Variants in SLC35F4 observed in about 807,000 individuals in gnomAD.
SLC35F4 encodes solute carrier family 35 member F4.
A neutral mutation model predicts 44.2 loss-of-function variants in SLC35F4; 24 were observed. The ratio of observed to expected loss-of-function variants is 0.54; its 90% CI spans 0.39 to 0.76. The LOEUF (loss-of-function observed/expected upper bound fraction) is 0.76. Among genes scored for constraint, SLC35F4 ranks in the 30% least tolerant of loss-of-function variants. SLC35F4 has a pLI of 0.00. For missense variants in SLC35F4, 562 were observed against 586.1 expected (o/e 0.96, Z 0.42); for synonymous variants, 238 against 223.6 (o/e 1.06, Z -0.57).
chr14:57,782,295 A>AT (rs75303549), intron 1 of SLC35F4, among the ~76,000 whole-genome samples: 47 of 151,546 alleles, frequency 3.1e-4, no homozygotes, highest in African/African-American at 1.1e-3. Flanking sequence ...TTATACATGG[A>AT]TTTTTTTTCA....
At chr14:57,665,768 G>A (rs927209906) in intron 1 of SLC35F4, among the ~76,000 whole-genome samples, 4 of 152,226 alleles carry the variant, frequency 2.6e-5, no homozygotes, top group African/African-American at 9.6e-5. Flanking sequence ...GAACATGTGG[G>A]ACATATACAT....
At chr14:57,766,637 G>C (rs1283482987) in intron 1 of SLC35F4, among the ~76,000 whole-genome samples, 1 of 152,054 alleles carries the variant, frequency 6.6e-6, no homozygotes, top group Non-Finnish European at 1.5e-5. Flanking sequence ...CTATACATTG[G>C]GTACTTAAAA....
At chr14:57,776,510 C>A (rs920478831) in intron 1 of SLC35F4, among the ~76,000 whole-genome samples, 1 of 151,610 alleles carries the variant, frequency 6.6e-6, no homozygotes, top group East Asian at 1.9e-4. Flanking sequence ...ACTAAAAATA[C>A]AAAAAATTTG....
At chr14:57,691,090 A>G in intron 1 of SLC35F4, among the ~76,000 whole-genome samples, 1 of 152,138 alleles carries the variant, frequency 6.6e-6, no homozygotes, top group Admixed American at 6.6e-5. Context: ...TGATTTATTA[A>G]TGTAAATGAG....
intron 1 of SLC35F4, among the ~76,000 whole-genome samples, chr14:57,916,186 G>A (rs1889326423): frequency 1.3e-5 from 2 of 152,162 alleles, no homozygotes; most frequent in Admixed American, 6.5e-5. Context: ...GACAGAAAAG[G>A]GGGCTGAACT....
At chr14:57,602,941 T>C (rs2070915958) in intron 1 of SLC35F4, among the ~76,000 whole-genome samples, 2 of 152,168 alleles carry the variant, frequency 1.3e-5, no homozygotes, top group South Asian at 4.1e-4. Flanking sequence ...AACACACCCA[T>C]GTCTTATTAA....
At chr14:57,703,370 G>T (rs2075589954) in intron 1 of SLC35F4, among the ~76,000 whole-genome samples, 2 of 152,172 alleles carry the variant, frequency 1.3e-5, no homozygotes, top group Admixed American at 6.6e-5. Context: ...AGTTTGCAGT[G>T]CATGGCTCTC....
intron 1 of SLC35F4, among the ~76,000 whole-genome samples, chr14:57,817,635 AG>A: frequency 6.6e-6 from 1 of 152,072 alleles, no homozygotes; most frequent in Non-Finnish European, 1.5e-5. Context: ...ACAGGTCTTC[AG>A]GGTTTTACAA....
chr14:57,798,644 C>T (rs2140842407), intron 1 of SLC35F4, among the ~76,000 whole-genome samples: 1 of 152,292 alleles, frequency 6.6e-6, no homozygotes, highest in African/African-American at 2.4e-5. Flanking sequence ...AATGTTTCAG[C>T]ATTTCTCCTA....
chr14:57,685,823 G>T (rs72711183), intron 1 of SLC35F4, among the ~76,000 whole-genome samples: 6,545 of 152,186 alleles, frequency 0.043, 210 homozygotes, highest in Non-Finnish European at 0.069. Flanking sequence ...TTTTACTTAT[G>T]AGCAGTCGAG....
chr14:57,938,611 G>C (rs1175902571), intron 1 of SLC35F4, among the ~76,000 whole-genome samples: 1 of 152,146 alleles, frequency 6.6e-6, no homozygotes, highest in Non-Finnish European at 1.5e-5. Context: ...TGATTACATG[G>C]CATTTGTCTC....
intron 1 of SLC35F4, among the ~76,000 whole-genome samples, chr14:57,637,661 G>A (rs139733662): frequency 0.021 from 3,201 of 152,096 alleles, 58 homozygotes; most frequent in South Asian, 0.07. Flanking sequence ...TACCACCATT[G>A]GACTGTACCA....
chr14:57,815,031 C>T (rs1455828621), intron 1 of SLC35F4, among the ~76,000 whole-genome samples: 2 of 152,162 alleles, frequency 1.3e-5, no homozygotes, highest in Non-Finnish European at 2.9e-5. Context: ...CAGTCATACT[C>T]ATTTGTTCAT....
At chr14:57,864,325 C>T (rs574454048) in intron 1 of SLC35F4, among the ~76,000 whole-genome samples, 1 of 152,310 alleles carries the variant, frequency 6.6e-6, no homozygotes, top group South Asian at 2.1e-4. Context: ...GGGCATTCCA[C>T]AGTGTGTTAT....
At chr14:57,635,434 T>C (rs1026839596) in intron 1 of SLC35F4, among the ~76,000 whole-genome samples, 2 of 151,598 alleles carry the variant, frequency 1.3e-5, no homozygotes, top group African/African-American at 4.8e-5. Context: ...GACATCCAAG[T>C]GGGGATGTCA....
chr14:57,927,801 T>C (rs1889610951), intron 1 of SLC35F4, among the ~76,000 whole-genome samples: 1 of 152,142 alleles, frequency 6.6e-6, no homozygotes, highest in Non-Finnish European at 1.5e-5. Flanking sequence ...CCTGTCTTTT[T>C]ATTCTCTAAC....
intron 1 of SLC35F4, among the ~76,000 whole-genome samples, chr14:57,614,612 C>A (rs1034196104): frequency 2.8e-4 from 42 of 152,334 alleles, no homozygotes; most frequent in African/African-American, 5.8e-4. Context: ...AGTAAAAAGA[C>A]TTAAAAGGAG....
chr14:57,741,831 G>A (rs960905725), intron 1 of SLC35F4, among the ~76,000 whole-genome samples: 24 of 152,106 alleles, frequency 1.6e-4, no homozygotes, highest in Non-Finnish European at 3.2e-4. Context: ...GAGAAAGGTC[G>A]GGTTACCCAC....
chr14:57,936,103 C>A (rs1338795090), intron 1 of SLC35F4, among the ~76,000 whole-genome samples: 1 of 152,164 alleles, frequency 6.6e-6, no homozygotes, highest in African/African-American at 2.4e-5. Flanking sequence ...AAATTTCATA[C>A]AAAATAGATA....
Sources: allele counts gnomAD v4.1 joint callset (sites outside exome capture counted in the v4.1 genomes callset), GRCh38; gene constraint gnomAD v4.1.1; transcripts MANE v1.5; gene names NCBI Gene and HGNC (gene_info 2026-07-23, HGNC 2026-07-21).